The following FLRT2 variants were observed in gnomAD, a reference collection of about 807,000 sequenced individuals.
FLRT2 encodes leucine-rich repeat transmembrane protein FLRT2.
A neutral mutation model predicts 40.0 loss-of-function variants in FLRT2; 15 were observed. That is an observed-to-expected ratio of 0.38 (90% CI 0.25 to 0.58). The LOEUF (loss-of-function observed/expected upper bound fraction) is 0.58, where lower values mean the gene tolerates loss of function less well. FLRT2 is among the 20% of genes least tolerant of loss of function. FLRT2 has a pLI of 0.71. For synonymous variants in FLRT2, 380 were observed against 336.8 expected (o/e 1.13, Z -1.41); for missense variants, 726 against 840.0 (o/e 0.86, Z 1.68).
intron 1 of FLRT2, among the ~76,000 whole-genome samples, chr14:85,537,247 G>A (rs550399277): frequency 6.6e-6 from 1 of 152,242 alleles, no homozygotes; most frequent in South Asian, 2.1e-4. Context: ...AATGCTAATT[G>A]AAGACAAAGT....
Position 85,623,456 on chromosome 14 carries a change from T to G in FLRT2, c.1942T>G (p.Cys648Gly). 1.4e-6 allele frequency: 2 copies of G among 1,466,122 alleles called. No homozygotes were observed. The highest frequency in any genetic ancestry group is 1.8e-6 in the Non-Finnish European group (2 of 1,110,248). The allele number at this position is 1,466,122 out of a possible 1,614,324, so 90.8% of individuals were successfully genotyped here. The stretch of plus-strand genomic sequence containing the variant: ...CCATATCCCCAACAACATGCGATAC[T>G]GCAACAGCAGCGTGCCAGACCTGGA... ...DCHIPNNMRY[C>G]NSSVPDLEHC... Residue 648 changes from cysteine (C) to glycine (G), a missense_variant, in exon 2 of 2, where the codon TGC becomes GGC. Cys to Gly is a radical substitution (Grantham distance 159). Around this residue, in one of 3 missense-constraint regions of FLRT2, gnomAD observed 611 missense variants for 690.0 expected, o/e 0.89. Coordinates refer to ENST00000330753, the MANE Select transcript of FLRT2 (RefSeq NM_013231.6).
rs1481984695 is a variant in FLRT2, at chr14:85,641,178, A to G, written c.*17681A>G. 6.6e-6 allele frequency: 1 copy of G among 152,208 alleles called. No homozygotes were observed. The highest frequency in any genetic ancestry group is 1.9e-4 in the East Asian group (1 of 5,194). The allele number at this position is 152,208 out of a possible 1,614,324, so 9.4% of individuals were successfully genotyped here. ...GCCTCCAAAGACTGAAGAAGAGAGC[A>G]TGGTGTTTAATGCCAGGGTGGAAAG... On this transcript the variant is annotated 3_prime_UTR_variant, in exon 2 of 2. Transcript: ENST00000330753.
rs190125677 is a variant in FLRT2, at chr14:85,619,473, G to A, written c.-376-1666G>A. On this transcript the variant is annotated intron_variant, in intron 1 of 1. Transcript: ENST00000330753. ...CCCCTCCCACCCACCTTATATTTCC[G>A]AAACAATAAAAAATGAGTTTTACCT... 1.4e-3 allele frequency among the ~76,000 whole-genome samples: 219 copies of A among 151,966 alleles called. 1 individual carries two copies. The highest frequency in any genetic ancestry group is 4.6e-3 in the African/African-American group (191 of 41,428).
chr14:85,651,594 T>A lies in FLRT2; in HGVS notation c.*28097T>A, dbSNP rs1894434863. 1 of 152,130 alleles carries A rather than the reference T, an allele frequency of 6.6e-6. No individual in the cohort carries two copies. The highest frequency in any genetic ancestry group is 1.5e-5 in the Non-Finnish European group (1 of 67,974). 9.4% of individuals were successfully genotyped at this position (152,130 alleles called of 1,614,324 possible). A position where few individuals can be genotyped will look rare whatever the true frequency, so the allele number is the denominator to read the frequency against. On this transcript the variant is annotated 3_prime_UTR_variant, in exon 2 of 2. Coordinates refer to ENST00000330753, the MANE Select transcript of FLRT2 (RefSeq NM_013231.6). ...TTTTCTAATTAAGCAGTGACCCACT[T>A]AATTTCTCAGAAGTACATTTTGTTT...
Position 85,626,679 on chromosome 14 carries a change from C to G in FLRT2, c.*3182C>G, listed in dbSNP as rs191933019. On this transcript the variant is annotated 3_prime_UTR_variant, in exon 2 of 2. Coordinates refer to ENST00000330753, the MANE Select transcript of FLRT2 (RefSeq NM_013231.6). ...TGCATGGGACAATCGCAGGCAGATA[C>G]GAGGAATGTATCCCCTGCCTATTTT... 1 of 167,076 alleles carries G rather than the reference C, an allele frequency of 6.0e-6. No homozygotes were observed. The highest frequency in any genetic ancestry group is 1.5e-5 in the Non-Finnish European group (1 of 68,132). 10.3% of individuals were successfully genotyped at this position (167,076 alleles called of 1,614,324 possible).
chr14:85,556,252 T>C (rs1327587428), intron 1 of FLRT2, among the ~76,000 whole-genome samples: 1 of 152,220 alleles, frequency 6.6e-6, no homozygotes, highest in East Asian at 1.9e-4. Flanking sequence ...TAGGGGTATA[T>C]GCATGGCACA....
At chr14:85,615,036 C>G (rs1405742744) in intron 1 of FLRT2, among the ~76,000 whole-genome samples, 2 of 152,154 alleles carry the variant, frequency 1.3e-5, no homozygotes, top group Non-Finnish European at 2.9e-5. Flanking sequence ...TACCGGGGAC[C>G]AACTACCCAA....
intron 1 of FLRT2, among the ~76,000 whole-genome samples, chr14:85,585,213 C>G (rs930520613): frequency 2.0e-5 from 3 of 152,102 alleles, no homozygotes; most frequent in African/African-American, 7.2e-5. Flanking sequence ...TAAGCCTTTT[C>G]CTTTCGTGGC....
intron 1 of FLRT2, among the ~76,000 whole-genome samples, chr14:85,603,225 G>T (rs1892457018): frequency 1.2e-4 from 18 of 152,128 alleles, no homozygotes; most frequent in Admixed American, 1.1e-3. Flanking sequence ...GAAGGTACTT[G>T]GTACAAGCTG....
intron 1 of FLRT2, among the ~76,000 whole-genome samples, chr14:85,610,276 A>C (rs1174420353): frequency 6.6e-6 from 1 of 151,928 alleles, no homozygotes; most frequent in East Asian, 1.9e-4. Flanking sequence ...CTGAAATGGG[A>C]CATTTGAAGA....
intron 1 of FLRT2, among the ~76,000 whole-genome samples, chr14:85,537,849 T>TG (rs564109588): frequency 2.1e-4 from 32 of 151,564 alleles, no homozygotes; most frequent in East Asian, 1.8e-3. Context: ...TGTTTTGTTT[T>TG]TTTTTTTTCT....
intron 1 of FLRT2, among the ~76,000 whole-genome samples, chr14:85,592,245 G>A (rs1891923505): frequency 6.6e-6 from 1 of 152,120 alleles, no homozygotes; most frequent in African/African-American, 2.4e-5. Flanking sequence ...AGAGAAAGAA[G>A]GTGGTAGCTC....
chr14:85,652,127 A>G lies in FLRT2; in HGVS notation c.*28630A>G, dbSNP rs1894446694. On this transcript the variant is annotated 3_prime_UTR_variant, in exon 2 of 2. Transcript: ENST00000330753. The stretch of plus-strand genomic sequence containing the variant: ...GTCTCCTTAGGAGGCAAAACAAAGT[A>G]TTATTAAAAGTATGTTTGATGTTGC... The G allele has an allele frequency of 6.6e-6, 1 of 152,158 alleles. No homozygotes were observed. The highest frequency in any genetic ancestry group is 2.4e-5 in the African/African-American group (1 of 41,468). 9.4% of individuals were successfully genotyped at this position (152,158 alleles called of 1,614,324 possible). A position where few individuals can be genotyped will look rare whatever the true frequency, so the allele number is the denominator to read the frequency against.
rs1894464117 is a variant in FLRT2, at chr14:85,652,769, C to A, written c.*29272C>A. ...AATATTTTCACTGATTTATAAGAAT[C>A]CAGAAATTATCAATGAGTTTTCTTT... On this transcript the variant is annotated 3_prime_UTR_variant, in exon 2 of 2. Transcript: ENST00000330753. The A allele has an allele frequency of 6.6e-6, 1 of 152,058 alleles. No individual in the cohort carries two copies. Among genetic ancestry groups the A allele is most frequent in the Non-Finnish European group, 1.5e-5 (1 of 67,996 alleles). The allele number at this position is 152,058 out of a possible 1,614,324, so 9.4% of individuals were successfully genotyped here. A position where few individuals can be genotyped will look rare whatever the true frequency, so the allele number is the denominator to read the frequency against.
intron 1 of FLRT2, among the ~76,000 whole-genome samples, chr14:85,585,225 A>G (rs1891564277): frequency 6.6e-6 from 1 of 152,170 alleles, no homozygotes; most frequent in Admixed American, 6.5e-5. Flanking sequence ...TTTCGTGGCC[A>G]TCCATCTTCA....
At chr14:85,575,141 C>T (rs939872303) in intron 1 of FLRT2, among the ~76,000 whole-genome samples, 6 of 152,056 alleles carry the variant, frequency 3.9e-5, no homozygotes, top group Non-Finnish European at 7.3e-5. Flanking sequence ...TTTCTAGGCC[C>T]CTAATAGGCA....
Position 85,622,014 on chromosome 14 carries a change from C to T in FLRT2, c.500C>T (p.Ser167Phe). ...ATTAGCCTCAAATTGTTGTTTTTGTCTAAGAATCACCTGAGCAGTGTGCCT... is the reference window on the plus strand; with the variant it reads ...ATTAGCCTCAAATTGTTGTTTTTGTTTAAGAATCACCTGAGCAGTGTGCCT... ...EAISLKLLFL[S>F]KNHLSSVPVG... Residue 167 changes from serine to phenylalanine, a missense_variant, in exon 2 of 2, where the codon TCT becomes TTT. Ser to Phe is a radical substitution (Grantham distance 155). This residue lies in a region of FLRT2 where 611 missense variants were observed against 690.0 expected (regional missense o/e 0.89). Transcript: ENST00000330753. 6.2e-7 allele frequency: 1 copy of T among 1,610,110 alleles called. No individual in the cohort carries two copies. Among genetic ancestry groups the T allele is most frequent in the Non-Finnish European group, 8.5e-7 (1 of 1,178,248 alleles).
rs573586763 is a variant in FLRT2 at position 85,530,239 on chromosome 14, G to T, written c.-672G>T. 2 of 152,750 alleles carry T rather than the reference G, an allele frequency of 1.3e-5. No homozygotes were observed. Among genetic ancestry groups the T allele is most frequent in the East Asian group, 3.9e-4 (2 of 5,150 alleles). The allele number at this position is 152,750 out of a possible 1,614,324, so 9.5% of individuals were successfully genotyped here. A position where few individuals can be genotyped will look rare whatever the true frequency, so the allele number is the denominator to read the frequency against. On this transcript the variant is annotated 5_prime_UTR_variant, in exon 1 of 2. Coordinates refer to ENST00000330753, the MANE Select transcript of FLRT2 (RefSeq NM_013231.6). ...AGCGCTCGAGATATCATCAGTGCCCGCAAATCTCCGCGCCAAGGCGCTGAG... is the reference window on the plus strand; with the variant it reads ...AGCGCTCGAGATATCATCAGTGCCCTCAAATCTCCGCGCCAAGGCGCTGAG...
At chr14:85,535,184 C>G (rs1888570429) in intron 1 of FLRT2, among the ~76,000 whole-genome samples, 1 of 152,214 alleles carries the variant, frequency 6.6e-6, no homozygotes, top group South Asian at 2.1e-4. Flanking sequence ...CACAGGGTTT[C>G]AGGGCGCTTT....
Sources: allele counts gnomAD v4.1 joint callset (sites outside exome capture counted in the v4.1 genomes callset), GRCh38; gene constraint gnomAD v4.1.1; regional missense constraint gnomAD v4.1.1; transcripts MANE v1.5; gene names NCBI Gene and HGNC (gene_info 2026-07-23, HGNC 2026-07-21).